DACH1: variants seen among roughly 807,000 people sequenced by gnomAD.
DACH1 encodes the protein dachshund family transcription factor 1.
Under a neutral mutation model 54.2 loss-of-function variants are expected in DACH1, and 12 were observed. That is an observed-to-expected ratio of 0.22 (90% CI 0.14 to 0.36). The LOEUF (loss-of-function observed/expected upper bound fraction) is 0.36. Ranked by LOEUF, DACH1 falls within the 10% of genes least tolerant of loss-of-function variation. DACH1 has a pLI of 1.00. For synonymous variants in DACH1, 386 were observed against 366.2 expected (o/e 1.05, Z -0.62); for missense variants, 805 against 929.8 (o/e 0.87, Z 1.75).
intron 3 of DACH1, among the ~76,000 whole-genome samples, chr13:71,625,258 A>G (rs1053715559): frequency 2.6e-5 from 4 of 152,028 alleles, no homozygotes; most frequent in Non-Finnish European, 4.4e-5. Context: ...GTTCATTAAC[A>G]TTGCCAAGGC....
intron 1 of DACH1, among the ~76,000 whole-genome samples, chr13:71,792,363 CACACACA>C (rs1886868030): frequency 1.3e-5 from 2 of 151,972 alleles, no homozygotes; most frequent in South Asian, 2.1e-4. Flanking sequence ...CACACACACA[CACACACA>C]CCCCTGGAAT....
intron 1 of DACH1, among the ~76,000 whole-genome samples, chr13:71,851,028 T>C (rs1169992883): frequency 6.6e-6 from 1 of 152,220 alleles, no homozygotes; most frequent in Non-Finnish European, 1.5e-5. Context: ...TGTACGTCCA[T>C]GAGTATGCTT....
At chr13:71,765,520 A>G (rs115238299) in intron 1 of DACH1, among the ~76,000 whole-genome samples, 4,372 of 152,282 alleles carry the variant, frequency 0.029, 209 homozygotes, top group African/African-American at 0.097. Context: ...TTGTTATGTA[A>G]TGTACTGTCT....
rs111594208 is a variant in DACH1 at position 71,534,775 on chromosome 13, T to G, written c.1570+22249A>C. Among the ~76,000 whole-genome samples the G allele has an allele frequency of 5.0e-3, 759 of 151,936 alleles. 8 individuals carry two copies. The highest frequency in any genetic ancestry group is 0.017 in the African/African-American group (697 of 41,536). ...TTGTCATACAATATCATAAAAATAA[T>G]AAAGTTATAACTCATCTTTAGTGGT... is the stretch of plus-strand genomic sequence containing the variant. On this transcript the variant is annotated intron_variant, in intron 6 of 10. Coordinates refer to ENST00000613252, the MANE Select transcript of DACH1 (RefSeq NM_080759.6).
chr13:71,486,702 A>G (rs1027138136), intron 7 of DACH1, among the ~76,000 whole-genome samples: 1 of 152,224 alleles, frequency 6.6e-6, no homozygotes, highest in African/African-American at 2.4e-5. Flanking sequence ...AAATATATGC[A>G]TATGCATATT....
At chr13:71,769,524 GT>G (rs1170877625) in intron 1 of DACH1, among the ~76,000 whole-genome samples, 5 of 151,710 alleles carry the variant, frequency 3.3e-5, no homozygotes, top group African/African-American at 1.2e-4. Flanking sequence ...AAGCACCTTG[GT>G]TGAGTATCAT....
chr13:71,607,728 G>A (rs962372426), intron 3 of DACH1, among the ~76,000 whole-genome samples: 1 of 152,010 alleles, frequency 6.6e-6, no homozygotes, highest in Non-Finnish European at 1.5e-5. Flanking sequence ...AGATTATCAT[G>A]AGCAACAGCA....
chr13:71,619,372 C>T (rs1876037334), intron 3 of DACH1, among the ~76,000 whole-genome samples: 1 of 151,784 alleles, frequency 6.6e-6, no homozygotes, highest in Non-Finnish European at 1.5e-5. Flanking sequence ...TCCAATATGA[C>T]AGAGATTAGT....
chr13:71,820,634 TA>T (rs1300927395), intron 1 of DACH1, among the ~76,000 whole-genome samples: 3 of 152,178 alleles, frequency 2.0e-5, no homozygotes, highest in African/African-American at 7.2e-5. Flanking sequence ...TATTAATATA[TA>T]TTTTTGGAAA....
intron 8 of DACH1, among the ~76,000 whole-genome samples, chr13:71,476,572 C>A (rs1207679409): frequency 6.6e-6 from 1 of 151,818 alleles, no homozygotes; most frequent in South Asian, 2.1e-4. Context: ...CAGTATGAAC[C>A]CCCATTGCTA....
At chr13:71,449,309 GAGT>G (rs1874787217) in intron 10 of DACH1, among the ~76,000 whole-genome samples, 1 of 151,996 alleles carries the variant, frequency 6.6e-6, no homozygotes, top group African/African-American at 2.4e-5. Context: ...CTGGGCAACA[GAGT>G]GAGACTGTCT....
intron 1 of DACH1, among the ~76,000 whole-genome samples, chr13:71,697,787 CT>C (rs1202410121): frequency 1.3e-5 from 2 of 152,080 alleles, no homozygotes; most frequent in Admixed American, 1.3e-4. Flanking sequence ...TATGAAAGTC[CT>C]AAAATAATGC....
intron 2 of DACH1, among the ~76,000 whole-genome samples, chr13:71,642,372 G>A (rs1355080896): frequency 1.3e-5 from 2 of 152,144 alleles, no homozygotes; most frequent in African/African-American, 2.4e-5. Flanking sequence ...GAGAAACACC[G>A]ACCTATGCTA....
chr13:71,517,785 C>G (rs968134585), intron 6 of DACH1, among the ~76,000 whole-genome samples: 2 of 151,864 alleles, frequency 1.3e-5, no homozygotes, highest in Non-Finnish European at 2.9e-5. Context: ...CTAGTCTAAC[C>G]TTTCTCAGGT....
intron 6 of DACH1, among the ~76,000 whole-genome samples, chr13:71,525,583 T>C (rs1327915752): frequency 6.6e-6 from 1 of 152,162 alleles, no homozygotes; most frequent in Non-Finnish European, 1.5e-5. Flanking sequence ...ATTGAAGACA[T>C]GAGGACTACC....
intron 3 of DACH1, among the ~76,000 whole-genome samples, chr13:71,620,236 GA>G (rs1876119266): frequency 6.6e-6 from 1 of 151,866 alleles, no homozygotes; most frequent in Non-Finnish European, 1.5e-5. Context: ...GCAAAAGCAA[GA>G]TAATCTAGAA....
chr13:71,774,974 A>G (rs1042016111), intron 1 of DACH1, among the ~76,000 whole-genome samples: 2 of 151,802 alleles, frequency 1.3e-5, no homozygotes, highest in African/African-American at 4.8e-5. Context: ...AAAAGATATC[A>G]CTGAAAGGTG....
At chr13:71,646,293 C>A (rs1014641541) in intron 2 of DACH1, among the ~76,000 whole-genome samples, 8 of 150,804 alleles carry the variant, frequency 5.3e-5, no homozygotes, top group African/African-American at 1.7e-4. Flanking sequence ...GCCGAGACTG[C>A]GCCATTGCAC....
At chr13:71,480,011 C>T (rs1359223116) in intron 7 of DACH1, among the ~76,000 whole-genome samples, 5 of 152,268 alleles carry the variant, frequency 3.3e-5, no homozygotes, top group Admixed American at 3.3e-4. Flanking sequence ...TAGAATGTAT[C>T]ATTATGTGGT....
Sources: gnomAD v4.1 joint callset for allele counts (sites outside exome capture counted in the v4.1 genomes callset) on GRCh38, gnomAD v4.1.1 for gene constraint, MANE v1.5 for transcripts, NCBI Gene and HGNC (gene_info 2026-07-23, HGNC 2026-07-21) for gene names.